Variants in LRIG1 observed in about 807,000 individuals in gnomAD.
The protein encoded by LRIG1 is leucine rich repeats and immunoglobulin like domains 1.
LRIG1 carries 48 observed loss-of-function variants against 99.2 expected under a neutral mutation model. That is an observed-to-expected ratio of 0.48 (90% confidence interval 0.38 to 0.62). LRIG1 has a LOEUF of 0.62. LRIG1 is among the 20% of genes least tolerant of loss of function. LRIG1 has a pLI of 0.00. For missense variants in LRIG1, 1,646 were observed against 1,434.4 expected (o/e 1.15, Z -2.38); for synonymous variants, 772 against 596.1 (o/e 1.29, Z -4.30).
At chr3:66,418,584 G>A (rs192178725) in intron 3 of LRIG1, among the ~76,000 whole-genome samples, 6 of 152,322 alleles carry the variant, frequency 3.9e-5, no homozygotes, top group Non-Finnish European at 8.8e-5. Context: ...TCTGCTGGGT[G>A]GTGGCGCTGG....
At chr3:66,451,509 C>T in intron 3 of LRIG1, 50 bp downstream of exon 3, 1 of 1,541,516 alleles carries the variant, frequency 6.5e-7, no homozygotes, top group South Asian at 1.1e-5. Flanking sequence ...AGGCAACAAA[C>T]ACCATGGCCC....
Position 66,500,422 on chromosome 3 carries a change from G to C in LRIG1, c.-15C>G. 1.5e-6 allele frequency: 2 copies of C among 1,362,972 alleles called. No homozygotes were observed. Among genetic ancestry groups the C allele is most frequent in the South Asian group, 1.8e-5 (1 of 55,252 alleles). 84.4% of individuals were successfully genotyped at this position (1,362,972 alleles called of 1,614,324 possible). On this transcript the variant is annotated 5_prime_UTR_variant, in exon 1 of 19. Transcript: ENST00000273261. ...GGCCGCGCCATCTTGTCTGGAGCGCGCTGCGAACTCCGGGCGCGGGGACTG... is the reference window on the plus strand; with the variant it reads ...GGCCGCGCCATCTTGTCTGGAGCGCCCTGCGAACTCCGGGCGCGGGGACTG...
chr3:66,486,671 A>T (rs1223080533), intron 1 of LRIG1, among the ~76,000 whole-genome samples: 1 of 152,224 alleles, frequency 6.6e-6, no homozygotes, highest in Non-Finnish European at 1.5e-5. Flanking sequence ...GGTCACAATA[A>T]GTAAGTGTGG....
intron 3 of LRIG1, among the ~76,000 whole-genome samples, chr3:66,419,382 A>T (rs1702729244): frequency 6.6e-6 from 1 of 151,862 alleles, no homozygotes; most frequent in African/African-American, 2.4e-5. Flanking sequence ...TGTGCAGAAG[A>T]CAAGTCTCTT....
At chr3:66,470,675 A>C (rs565388406) in intron 1 of LRIG1, among the ~76,000 whole-genome samples, 1 of 152,310 alleles carries the variant, frequency 6.6e-6, no homozygotes, top group Admixed American at 6.5e-5. Flanking sequence ...GTTGATTTCC[A>C]TAAGAACAGA....
chr3:66,459,748 T>C (rs761456807), intron 2 of LRIG1, among the ~76,000 whole-genome samples: 61 of 152,092 alleles, frequency 4.0e-4, no homozygotes, highest in Non-Finnish European at 7.6e-4. Flanking sequence ...GGCACAAAAT[T>C]TAAGGGACAG....
intron 1 of LRIG1, 124 bp downstream of exon 1, chr3:66,500,066 A>G: frequency 1.1e-5 from 8 of 700,310 alleles, no homozygotes; most frequent in Non-Finnish European, 6.7e-6. Context: ...CAACACGCAC[A>G]AGCACGCACA....
chr3:66,408,852 G>A (rs1656750111), intron 7 of LRIG1, among the ~76,000 whole-genome samples: 1 of 150,274 alleles, frequency 6.7e-6, no homozygotes, highest in South Asian at 2.1e-4. Flanking sequence ...TAGGAAAGAG[G>A]CAGGACCACT....
At chr3:66,448,143 A>G (rs1370619717) in intron 3 of LRIG1, among the ~76,000 whole-genome samples, 2 of 152,230 alleles carry the variant, frequency 1.3e-5, no homozygotes, top group Admixed American at 6.5e-5. Context: ...AGATTCCTTT[A>G]ATCAGAAAGT....
Position 66,386,261 on chromosome 3 carries a change from G to C in LRIG1, c.1509C>G (p.Thr503=), listed in dbSNP as rs149185220. The part of the protein sequence containing the change: ...LKPQIITQPE[T]TMAMVGKDIR... The stretch of plus-strand genomic sequence containing the variant: ...TGTCCTTGCCCACCATAGCCATGGT[G>C]GTTTCTGGCTGGGTGATGATCTGTG... The change falls in exon 13 of 19, where the codon ACC becomes ACG. Residue 503 remains threonine, a synonymous_variant. Coordinates refer to ENST00000273261, the MANE Select transcript of LRIG1 (RefSeq NM_015541.3). The C allele has an allele frequency of 6.2e-7, 1 of 1,614,084 alleles. No individual in the cohort carries two copies. The highest frequency in any genetic ancestry group is 1.7e-5 in the Admixed American group (1 of 60,018).
chr3:66,474,370 A>G lies in LRIG1; in HGVS notation c.219-11861T>C, dbSNP rs1229846315. Among the ~76,000 whole-genome samples the G allele has an allele frequency of 7.0e-5, 10 of 142,314 alleles. No individual in the cohort carries two copies. The Admixed American group carries it at 7.1e-4, about 10-fold the overall frequency. The allele number at this position is 142,314 out of a possible 152,430, so 93.4% of individuals were successfully genotyped here. A position where few individuals can be genotyped will look rare whatever the true frequency, so the allele number is the denominator to read the frequency against. On this transcript the variant is annotated intron_variant, in intron 1 of 18. Transcript: ENST00000273261. The stretch of plus-strand genomic sequence containing the variant: ...TTCTTTTTTTTTTTTTTTGAAATGG[A>G]GTTTCACTCTTGCCACACAGGCTGG...
In LRIG1 at chr3:66,416,580, A is replaced by G. The variant is rs1332999115; in HGVS notation, c.503+549T>C. Among the ~76,000 whole-genome samples the G allele has an allele frequency of 2.0e-5, 3 of 152,228 alleles. No individual in the cohort carries two copies. In the East Asian group the frequency reaches 5.8e-4, roughly 29 times the overall value. On this transcript the variant is annotated intron_variant, in intron 4 of 18. Transcript: ENST00000273261. ...CCATCCATTGTGTGTGAGATGGGAC[A>G]TTAATATGGGTAAGAGAAACAGACA... is the stretch of plus-strand genomic sequence containing the variant.
intron 13 of LRIG1, among the ~76,000 whole-genome samples, chr3:66,385,456 G>GTT (rs1415743194): frequency 2.1e-5 from 2 of 94,000 alleles, no homozygotes; most frequent in African/African-American, 3.6e-5. Flanking sequence ...TTAATAACTA[G>GTT]TTTTTGTTTT....
chr3:66,404,561 G>C (rs1420778746), intron 9 of LRIG1: 1 of 295,734 alleles, frequency 3.4e-6, no homozygotes, highest in Non-Finnish European at 5.0e-6. Flanking sequence ...CAGCCGTGTA[G>C]TTTTGGGCGA....
chr3:66,499,389 A>G (rs1701301757), intron 1 of LRIG1, among the ~76,000 whole-genome samples: 1 of 152,172 alleles, frequency 6.6e-6, no homozygotes, highest in Non-Finnish European at 1.5e-5. Context: ...CATTTGCACC[A>G]TTTATGGAGG....
At chr3:66,476,327 C>T (rs1327435438) in intron 1 of LRIG1, among the ~76,000 whole-genome samples, 2 of 152,144 alleles carry the variant, frequency 1.3e-5, no homozygotes, top group Non-Finnish European at 2.9e-5. Context: ...CTGGCCAGTT[C>T]CAATTCTCTC....
intron 13 of LRIG1, 66 bp from the exon 14 acceptor site, chr3:66,384,338 G>T: frequency 6.6e-7 from 1 of 1,504,978 alleles, no homozygotes; most frequent in Non-Finnish European, 9.1e-7. Context: ...GAAGTCCTCT[G>T]GCAAACACCT....
At chr3:66,457,532 A>C (rs770055043) in intron 2 of LRIG1, among the ~76,000 whole-genome samples, 5 of 152,204 alleles carry the variant, frequency 3.3e-5, no homozygotes, top group Non-Finnish European at 4.4e-5. Context: ...GGGCAGTTCC[A>C]AACGTAGCAG....
chr3:66,406,479 A>G, intron 8 of LRIG1: 1 of 943,012 alleles, frequency 1.1e-6, no homozygotes, highest in Non-Finnish European at 1.3e-6. Flanking sequence ...CTCCCTGGCA[A>G]TGGCTCCACA....
Sources: allele counts gnomAD v4.1 joint callset (sites outside exome capture counted in the v4.1 genomes callset), GRCh38; gene constraint gnomAD v4.1.1; transcripts MANE v1.5; gene names NCBI Gene and HGNC (gene_info 2026-07-23, HGNC 2026-07-21).